The following CACNA2D3 variants were observed in gnomAD, a reference collection of about 807,000 sequenced individuals.
CACNA2D3 encodes the protein voltage-dependent calcium channel subunit alpha-2/delta-3.
CACNA2D3 carries 60 observed loss-of-function variants against 160.6 expected under a neutral mutation model. The ratio of observed to expected loss-of-function variants is 0.37; its 90% CI spans 0.30 to 0.46. CACNA2D3 has a LOEUF of 0.46. Ranked by LOEUF, CACNA2D3 falls within the 20% of genes least tolerant of loss-of-function variation. CACNA2D3 has a pLI of 1.00. For synonymous variants in CACNA2D3, 558 were observed against 492.9 expected, an observed-to-expected ratio of 1.13 and a Z score of -1.75; for missense variants, 1,205 against 1,365.0, an observed-to-expected ratio of 0.88 and a Z score of 1.85.
At chr3:54,727,298 C>G (rs764016560) in intron 11 of CACNA2D3, among the ~76,000 whole-genome samples, 1 of 152,220 alleles carries the variant, frequency 6.6e-6, no homozygotes, top group Non-Finnish European at 1.5e-5. Context: ...AACGCTCTTA[C>G]ACTGTTGGTG....
chr3:54,822,757 T>C (rs1052849800), intron 14 of CACNA2D3, among the ~76,000 whole-genome samples: 8 of 81,192 alleles, frequency 9.9e-5, no homozygotes, highest in African/African-American at 2.9e-4. Context: ...TTTCTTTCTT[T>C]CTTTCTTTCT....
At chr3:54,539,079 A>G (rs530869623) in intron 5 of CACNA2D3, among the ~76,000 whole-genome samples, 34 of 152,342 alleles carry the variant, frequency 2.2e-4, no homozygotes, top group Admixed American at 3.9e-4. Context: ...GTTGTCATCC[A>G]TAGCTGTCTT....
intron 4 of CACNA2D3, among the ~76,000 whole-genome samples, chr3:54,501,608 CAG>C (rs1384153839): frequency 1.3e-5 from 2 of 149,278 alleles, no homozygotes; most frequent in Admixed American, 1.3e-4. Context: ...TTTGTAGAGA[CAG>C]AGTTTCACCA....
chr3:54,329,018 G>C (rs897425850), intron 3 of CACNA2D3, among the ~76,000 whole-genome samples: 2 of 152,172 alleles, frequency 1.3e-5, no homozygotes, highest in Non-Finnish European at 1.5e-5. Flanking sequence ...GCTTGGTGCA[G>C]CCCCTCTCAC....
intron 4 of CACNA2D3, among the ~76,000 whole-genome samples, chr3:54,500,862 A>T (rs1701283781): frequency 6.6e-6 from 1 of 152,226 alleles, no homozygotes; most frequent in Admixed American, 6.5e-5. Context: ...CTGCTACAAC[A>T]GAATACCTGA....
intron 11 of CACNA2D3, among the ~76,000 whole-genome samples, chr3:54,695,799 C>A (rs1198859048): frequency 1.3e-5 from 2 of 152,170 alleles, no homozygotes; most frequent in African/African-American, 2.4e-5. Context: ...TGCAAGAAGT[C>A]TTTTCATAGA....
chr3:54,577,631 T>C (rs1702607486), intron 8 of CACNA2D3, among the ~76,000 whole-genome samples: 1 of 131,446 alleles, frequency 7.6e-6, no homozygotes, highest in East Asian at 2.1e-4. Context: ...CTCACATATA[T>C]ATTTTCTTTC....
intron 4 of CACNA2D3, among the ~76,000 whole-genome samples, chr3:54,463,133 G>A (rs559674862): frequency 4.6e-5 from 7 of 151,924 alleles, no homozygotes; most frequent in Admixed American, 2.0e-4. Flanking sequence ...TAGAGTTTCC[G>A]CCGAGAGATC....
intron 2 of CACNA2D3, among the ~76,000 whole-genome samples, chr3:54,233,083 G>A (rs930344409): frequency 7.9e-5 from 12 of 152,148 alleles, no homozygotes; most frequent in Non-Finnish European, 1.2e-4. Flanking sequence ...GTGTGTTCAG[G>A]AAGGCCCCTC....
At chr3:54,441,802 C>A (rs142742595) in intron 4 of CACNA2D3, among the ~76,000 whole-genome samples, 1 of 152,088 alleles carries the variant, frequency 6.6e-6, no homozygotes, top group Non-Finnish European at 1.5e-5. Flanking sequence ...ATCCGTTACC[C>A]AACAGGGGCC....
At chr3:54,477,364 G>T (rs1700848088) in intron 4 of CACNA2D3, among the ~76,000 whole-genome samples, 1 of 151,974 alleles carries the variant, frequency 6.6e-6, no homozygotes, top group Admixed American at 6.6e-5. Context: ...GCGAATCTAG[G>T]ACATGGATAT....
intron 14 of CACNA2D3, among the ~76,000 whole-genome samples, chr3:54,823,307 T>C (rs1479202682): frequency 6.6e-6 from 1 of 152,202 alleles, no homozygotes; most frequent in Non-Finnish European, 1.5e-5. Flanking sequence ...ATTTTTATGC[T>C]TTATATACTA....
intron 2 of CACNA2D3, among the ~76,000 whole-genome samples, chr3:54,268,207 G>C (rs865782722): frequency 2.0e-5 from 3 of 152,106 alleles, no homozygotes; most frequent in Admixed American, 1.3e-4. Flanking sequence ...TACTGCTCAC[G>C]TGAAAGAACT....
rs772840584 is a variant in CACNA2D3, at chr3:54,891,481, A to C, written c.2246+31A>C. 6.8e-6 allele frequency: 10 copies of C among 1,479,548 alleles called. No homozygotes were observed. In the South Asian group the frequency reaches 8.1e-5, roughly 12 times the overall value. The allele number at this position is 1,479,548 out of a possible 1,614,324, so 91.7% of individuals were successfully genotyped here. Reference sequence around the variant, plus strand: ...TAGGAGGGATCCTCTACAGGGGCCCAGGGAGCTTCTGAAATGGAACATTCA... The same window carrying C: ...TAGGAGGGATCCTCTACAGGGGCCCCGGGAGCTTCTGAAATGGAACATTCA... On this transcript the variant is annotated intron_variant, in intron 25 of 37. Coordinates refer to ENST00000474759, the MANE Select transcript of CACNA2D3 (RefSeq NM_018398.3).
intron 5 of CACNA2D3, among the ~76,000 whole-genome samples, chr3:54,546,731 C>G (rs1019495758): frequency 3.3e-5 from 5 of 151,878 alleles, no homozygotes; most frequent in Admixed American, 3.3e-4. Context: ...CACACACACA[C>G]AGACGGTCAA....
At chr3:54,774,990 C>T (rs1702399967) in intron 13 of CACNA2D3, among the ~76,000 whole-genome samples, 1 of 152,050 alleles carries the variant, frequency 6.6e-6, no homozygotes, top group South Asian at 2.1e-4. Context: ...TACATGGTGC[C>T]AAAAATGGCT....
chr3:54,781,720 C>G (rs2107130761), intron 13 of CACNA2D3, among the ~76,000 whole-genome samples: 1 of 152,336 alleles, frequency 6.6e-6, no homozygotes, highest in African/African-American at 2.4e-5. Flanking sequence ...AAGTCTCAGG[C>G]CAATTCTGCC....
chr3:54,242,275 A>AC (rs1553765138), intron 2 of CACNA2D3, among the ~76,000 whole-genome samples: 2 of 150,554 alleles, frequency 1.3e-5, no homozygotes, highest in Non-Finnish European at 3.0e-5. Context: ...ACAAAAAACA[A>AC]AAACAAACAA....
intron 5 of CACNA2D3, among the ~76,000 whole-genome samples, chr3:54,526,377 G>T (rs950131447): frequency 6.6e-6 from 1 of 152,022 alleles, no homozygotes; most frequent in Non-Finnish European, 1.5e-5. Context: ...TTGTGTATGT[G>T]TCATATTTTC....
Sources: allele counts gnomAD v4.1 joint callset (sites outside exome capture counted in the v4.1 genomes callset), GRCh38; gene constraint gnomAD v4.1.1; transcripts MANE v1.5; gene names NCBI Gene and HGNC (gene_info 2026-07-23, HGNC 2026-07-21).